PIK3C2G: variants seen among roughly 807,000 people sequenced by gnomAD.
PIK3C2G encodes phosphatidylinositol-4-phosphate 3-kinase catalytic subunit type 2 gamma.
In PIK3C2G, 168 loss-of-function variants were observed where a neutral mutation model predicts 181.1. That is an observed-to-expected ratio of 0.93 (90% confidence interval 0.82 to 1.05). The LOEUF (loss-of-function observed/expected upper bound fraction) is 1.05. PIK3C2G is among the 50% of genes least tolerant of loss of function. The pLI is 0.00. For missense variants in PIK3C2G, 1,869 were observed against 1,732.8 expected (o/e 1.08, Z -1.40); for synonymous variants, 573 against 592.2 (o/e 0.97, Z 0.47).
chr12:18,363,469 A>G (rs1284763723), intron 12 of PIK3C2G, among the ~76,000 whole-genome samples: 2 of 151,852 alleles, frequency 1.3e-5, no homozygotes. Context: ...CCCGCACCCA[A>G]CTTAAGCCCT....
chr12:18,600,172 A>G (rs1947629436), intron 30 of PIK3C2G, among the ~76,000 whole-genome samples: 1 of 152,044 alleles, frequency 6.6e-6, no homozygotes, highest in Admixed American at 6.5e-5. Flanking sequence ...AGAAAAGTTC[A>G]ATAAAGTCCA....
chr12:18,625,818 CTGATA>C (rs1272146653), intron 31 of PIK3C2G, among the ~76,000 whole-genome samples: 1 of 151,706 alleles, frequency 6.6e-6, no homozygotes. Context: ...TCTATTTTGT[CTGATA>C]TAAGTATTGC....
chr12:18,718,776 G>C, the PIK3C2G span, among the ~76,000 whole-genome samples: 21 of 152,076 alleles, frequency 1.4e-4, no homozygotes, highest in East Asian at 5.8e-4. Flanking sequence ...TTTTTACCTG[G>C]TTATTATCTG....
intron 25 of PIK3C2G, among the ~76,000 whole-genome samples, chr12:18,542,997 A>G (rs1249173769): frequency 6.6e-6 from 1 of 151,852 alleles, no homozygotes; most frequent in African/African-American, 2.4e-5. Context: ...ACTAATTTAT[A>G]CTCCAACCAA....
intron 31 of PIK3C2G, among the ~76,000 whole-genome samples, chr12:18,621,494 TTGA>T (rs1948859152): frequency 6.6e-6 from 1 of 151,904 alleles, no homozygotes; most frequent in African/African-American, 2.4e-5. Flanking sequence ...TTCTGTCCAG[TTGA>T]TAACTTCGTC....
chr12:18,487,398 GA>G (rs1241457477), intron 18 of PIK3C2G, among the ~76,000 whole-genome samples: 16 of 151,912 alleles, frequency 1.1e-4, no homozygotes, highest in Non-Finnish European at 1.9e-4. Context: ...TAGGCATGCA[GA>G]ATAAAACACA....
chr12:18,405,801 CT>C (rs1215953888), intron 16 of PIK3C2G, among the ~76,000 whole-genome samples: 1 of 151,948 alleles, frequency 6.6e-6, no homozygotes, highest in Non-Finnish European at 1.5e-5. Flanking sequence ...ACAATATAAT[CT>C]TTTGATCTAT....
chr12:18,418,056 T>G (rs1565699882), intron 16 of PIK3C2G, among the ~76,000 whole-genome samples: 1 of 152,202 alleles, frequency 6.6e-6, no homozygotes, highest in Non-Finnish European at 1.5e-5. Flanking sequence ...TGCATTTTTA[T>G]TCATTGCAAC....
intron 24 of PIK3C2G, among the ~76,000 whole-genome samples, chr12:18,520,955 G>A (rs1244959021): frequency 2.6e-5 from 4 of 152,092 alleles, no homozygotes; most frequent in Non-Finnish European, 4.4e-5. Context: ...TGCTGTTGTT[G>A]TTGCATTCTG....
intron 5 of PIK3C2G, among the ~76,000 whole-genome samples, chr12:18,304,706 TA>T (rs1950347399): frequency 6.6e-6 from 1 of 152,230 alleles, no homozygotes; most frequent in Non-Finnish European, 1.5e-5. Flanking sequence ...TCATTAGCAG[TA>T]AAACTGCATT....
At chr12:18,404,595 G>GA (rs553025361) in intron 16 of PIK3C2G, among the ~76,000 whole-genome samples, 280 of 152,330 alleles carry the variant, frequency 1.8e-3, no homozygotes, top group Admixed American at 2.9e-3. Flanking sequence ...TCTGAGTGGA[G>GA]AAGCGGGGAA....
intron 20 of PIK3C2G, 40 bp from the exon 21 acceptor site, chr12:18,496,022 T>G (rs749495465): frequency 2.7e-6 from 3 of 1,112,488 alleles, no homozygotes; most frequent in Non-Finnish European, 3.8e-6. Flanking sequence ...GGGGTCTGAT[T>G]TATTTTGCTC....
chr12:18,365,323 C>T (rs1941564440), intron 12 of PIK3C2G, among the ~76,000 whole-genome samples: 2 of 152,188 alleles, frequency 1.3e-5, no homozygotes, highest in East Asian at 3.8e-4. Flanking sequence ...CAGCAGCTAC[C>T]CCATTTCTTT....
chr12:18,411,977 G>C (rs1944891098), intron 16 of PIK3C2G, among the ~76,000 whole-genome samples: 1 of 148,712 alleles, frequency 6.7e-6, no homozygotes, highest in South Asian at 2.1e-4. Context: ...GAATAGAAGT[G>C]TTTTTTTTAC....
At chr12:18,519,205 G>A (rs1942751360) in intron 24 of PIK3C2G, among the ~76,000 whole-genome samples, 1 of 152,202 alleles carries the variant, frequency 6.6e-6, no homozygotes, top group African/African-American at 2.4e-5. Context: ...TGTGTATCCT[G>A]TTGATCTGGG....
chr12:18,588,690 C>T (rs1296974971), intron 29 of PIK3C2G, among the ~76,000 whole-genome samples: 1 of 152,078 alleles, frequency 6.6e-6, no homozygotes, highest in African/African-American at 2.4e-5. Context: ...ATGGTGATTC[C>T]TCAAGAAGCT....
chr12:18,526,610 A>G (rs1007437235), intron 24 of PIK3C2G, among the ~76,000 whole-genome samples: 2 of 152,208 alleles, frequency 1.3e-5, no homozygotes, highest in Non-Finnish European at 2.9e-5. Flanking sequence ...CTAGCTGGAA[A>G]TTTACCAAGG....
At chr12:18,328,772 C>T (rs1951461645) in intron 8 of PIK3C2G, among the ~76,000 whole-genome samples, 1 of 151,808 alleles carries the variant, frequency 6.6e-6, no homozygotes, top group South Asian at 2.1e-4. Flanking sequence ...AAGGTGAGTA[C>T]CCGTGTTACT....
intron 26 of PIK3C2G, among the ~76,000 whole-genome samples, chr12:18,551,675 T>C (rs1944737097): frequency 6.6e-6 from 1 of 152,096 alleles, no homozygotes; most frequent in South Asian, 2.1e-4. Context: ...TTTGCAATCA[T>C]GAGCTATTTT....
Sources: gnomAD v4.1 joint callset for allele counts (sites outside exome capture counted in the v4.1 genomes callset) on GRCh38, gnomAD v4.1.1 for gene constraint, MANE v1.5 for transcripts, NCBI Gene and HGNC (gene_info 2026-07-23, HGNC 2026-07-21) for gene names.